Variants in ANKH observed in about 807,000 individuals in gnomAD.
ANKH encodes the protein ANKH inorganic pyrophosphate transport regulator, also known as mineralization regulator ANKH.
Under a neutral mutation model 49.0 loss-of-function variants are expected in ANKH, and 15 were observed. That is an observed-to-expected ratio of 0.31 (90% CI 0.20 to 0.47). The LOEUF (loss-of-function observed/expected upper bound fraction) is 0.47. Ranked by LOEUF, ANKH falls within the 20% of genes least tolerant of loss-of-function variation. The probability of loss-of-function intolerance (pLI) is 1.00; values close to 1 mark genes in which losing one functional copy is unlikely to be tolerated. For synonymous variants in ANKH, 273 were observed against 260.0 expected, an observed-to-expected ratio of 1.05 and a Z score of -0.48; for missense variants, 429 against 652.0, an observed-to-expected ratio of 0.66 and a Z score of 3.72.
intron 1 of ANKH, among the ~76,000 whole-genome samples, chr5:14,836,059 A>T (rs1741641838): frequency 1.3e-5 from 2 of 152,236 alleles, no homozygotes; most frequent in African/African-American, 4.8e-5. Context: ...CTTTGACAAA[A>T]TTCAACAGCC....
intron 1 of ANKH, among the ~76,000 whole-genome samples, chr5:14,812,841 T>G (rs1740926480): frequency 6.6e-6 from 1 of 151,872 alleles, no homozygotes; most frequent in South Asian, 2.1e-4. Context: ...CTCAAGTAAC[T>G]GACTGTCTAT....
chr5:14,835,786 T>C (rs896635949), intron 1 of ANKH, among the ~76,000 whole-genome samples: 22 of 152,212 alleles, frequency 1.4e-4, no homozygotes, highest in African/African-American at 4.1e-4. Flanking sequence ...ATCATCCTGA[T>C]ACCAAAGCCT....
chr5:14,827,671 A>G (rs933064994), intron 1 of ANKH, among the ~76,000 whole-genome samples: 1 of 152,104 alleles, frequency 6.6e-6, no homozygotes, highest in African/African-American at 2.4e-5. Context: ...TTCCAACTTA[A>G]AGGATCCTCT....
intron 4 of ANKH, 107 bp from the exon 5 acceptor site, chr5:14,751,346 C>G: frequency 8.2e-7 from 1 of 1,218,000 alleles, no homozygotes. Context: ...GAGCAAAGAT[C>G]TTGACTTTTA....
chr5:14,721,824 T>G lies in ANKH; in HGVS notation c.1012-4989A>C, dbSNP rs530599812. Among the ~76,000 whole-genome samples, 17 of 145,698 alleles carry G rather than the reference T, an allele frequency of 1.2e-4. No homozygotes were observed. In the South Asian group the frequency reaches 2.0e-3, roughly 17 times the overall value. On this transcript the variant is annotated intron_variant, in intron 8 of 11. Coordinates refer to ENST00000284268, the MANE Select transcript of ANKH (RefSeq NM_054027.6). ...AGGCGCCTGTAGTCCCAGCTACTCGTGAGGCTGAGGCAGGAGAATGGCGTG... is the reference window on the plus strand; with the variant it reads ...AGGCGCCTGTAGTCCCAGCTACTCGGGAGGCTGAGGCAGGAGAATGGCGTG...
chr5:14,720,193 T>G (rs1302945127), intron 8 of ANKH, among the ~76,000 whole-genome samples: 1 of 152,216 alleles, frequency 6.6e-6, no homozygotes, highest in Non-Finnish European at 1.5e-5. Flanking sequence ...ATTTTCTGCA[T>G]CTGGCAAAGT....
chr5:14,716,070 A>C (rs1737442584), intron 9 of ANKH, among the ~76,000 whole-genome samples: 1 of 152,170 alleles, frequency 6.6e-6, no homozygotes, highest in Non-Finnish European at 1.5e-5. Flanking sequence ...CAGTTTTGAG[A>C]ATTTCAGTAC....
intron 1 of ANKH, among the ~76,000 whole-genome samples, chr5:14,858,872 C>G (rs913248968): frequency 2.0e-5 from 3 of 151,460 alleles, no homozygotes; most frequent in African/African-American, 4.8e-5. Context: ...CTTTTTGATA[C>G]TTTTCCTTCT....
At chr5:14,831,441 G>A (rs73050696) in intron 1 of ANKH, among the ~76,000 whole-genome samples, 4,729 of 152,230 alleles carry the variant, frequency 0.031, 187 homozygotes, top group African/African-American at 0.095. Context: ...GCACCTTGCT[G>A]TAGTTGAGTT....
chr5:14,787,338 C>T (rs1215137318), intron 1 of ANKH, among the ~76,000 whole-genome samples: 4 of 151,706 alleles, frequency 2.6e-5, no homozygotes, highest in African/African-American at 9.7e-5. Context: ...AGAAAGAGGC[C>T]CAAGAAACAG....
chr5:14,721,316 C>T (rs17249895), intron 8 of ANKH, among the ~76,000 whole-genome samples: 5,722 of 152,312 alleles, frequency 0.038, 160 homozygotes, highest in Admixed American at 0.082. Context: ...TGCCCCTTAT[C>T]ATGGCCATGT....
At chr5:14,860,574 A>G (rs1414917559) in intron 1 of ANKH, among the ~76,000 whole-genome samples, 1 of 152,076 alleles carries the variant, frequency 6.6e-6, no homozygotes, top group Non-Finnish European at 1.5e-5. Flanking sequence ...CTCTATTAAA[A>G]TGCAAGACCC....
intron 1 of ANKH, among the ~76,000 whole-genome samples, chr5:14,856,214 C>A (rs777005303): frequency 2.0e-4 from 31 of 151,730 alleles, no homozygotes; most frequent in African/African-American, 2.4e-5. Flanking sequence ...GCACTCCAGC[C>A]TGGGAGACAG....
At chr5:14,778,385 T>A (rs40970) in intron 1 of ANKH, among the ~76,000 whole-genome samples, 54,242 of 152,000 alleles carry the variant, frequency 0.36, 9,712 homozygotes, top group Admixed American at 0.4. Flanking sequence ...CTCCTCTGCA[T>A]CTCAACTCTG....
intron 1 of ANKH, among the ~76,000 whole-genome samples, chr5:14,817,872 T>C (rs756440463): frequency 3.3e-5 from 5 of 152,068 alleles, no homozygotes; most frequent in Non-Finnish European, 5.9e-5. Context: ...CCAATGGCCT[T>C]GGTCAACACG....
chr5:14,747,680 G>A (rs900800356), intron 6 of ANKH, among the ~76,000 whole-genome samples: 20 of 152,328 alleles, frequency 1.3e-4, no homozygotes, highest in Middle Eastern at 3.4e-3. Flanking sequence ...CCTAGCCTGC[G>A]AAGGAGGAGA....
At chr5:14,806,557 G>GGCTGTA (rs1281078852) in intron 1 of ANKH, among the ~76,000 whole-genome samples, 1 of 152,100 alleles carries the variant, frequency 6.6e-6, no homozygotes, top group African/African-American at 2.4e-5. Context: ...CTGTGGCTGT[G>GGCTGTA]GCTGTAGCTG....
At chr5:14,726,747 A>G (rs1737835622) in intron 8 of ANKH, among the ~76,000 whole-genome samples, 1 of 152,250 alleles carries the variant, frequency 6.6e-6, no homozygotes, top group African/African-American at 2.4e-5. Flanking sequence ...ATTTAGAAGG[A>G]AAAACAATGC....
chr5:14,734,449 C>T (rs149450454), intron 8 of ANKH, among the ~76,000 whole-genome samples: 2,094 of 152,310 alleles, frequency 0.014, 55 homozygotes, highest in African/African-American at 0.049. Context: ...AGTACATTGC[C>T]TTGCTGAGAA....
Sources: allele counts gnomAD v4.1 joint callset (sites outside exome capture counted in the v4.1 genomes callset), GRCh38; gene constraint gnomAD v4.1.1; transcripts MANE v1.5; gene names NCBI Gene and HGNC (gene_info 2026-07-23, HGNC 2026-07-21).